TRMT61A: variants seen among roughly 807,000 people sequenced by gnomAD.
TRMT61A encodes tRNA methyltransferase 61A, also known as tRNA (adenine(58)-N(1))-methyltransferase catalytic subunit TRMT61A.
A neutral mutation model predicts 21.3 loss-of-function variants in TRMT61A; 15 were observed. The observed-to-expected ratio is 0.70, with a 90% CI of 0.47 to 1.08. TRMT61A has a LOEUF of 1.08. Ranked by LOEUF, TRMT61A falls within the 50% of genes least tolerant of loss-of-function variation. The pLI is 0.00. For missense variants in TRMT61A, 352 were observed against 426.7 expected, an observed-to-expected ratio of 0.83 and a Z score of 1.54; for synonymous variants, 183 against 185.5, an observed-to-expected ratio of 0.99 and a Z score of 0.11.
At position 103,531,964 on chromosome 14, in the gene TRMT61A, G is replaced by A. The variant is rs796290759; in HGVS notation, c.332-618G>A. Among the ~76,000 whole-genome samples the A allele has an allele frequency of 1.1e-4, 16 of 152,008 alleles. 1 individual carries two copies. The highest frequency in any genetic ancestry group is 3.9e-4 in the African/African-American group (16 of 41,470). ...AGGGAAGCTGGGGGCAGGTGCGCTG[G>A]GGAGGACTGGGGCCGTGTGGCTGGT... On this transcript the variant is annotated intron_variant, in intron 2 of 3. Coordinates refer to ENST00000389749, the MANE Select transcript of TRMT61A (RefSeq NM_152307.3). This position sits in a 1 kb window ranked among gnomAD's most constrained non-coding sequence, Gnocchi z 5.1.
rs542026718 is a variant in TRMT61A, at chr14:103,531,105, C to A, written c.331+796C>A. 5.3e-5 allele frequency among the ~76,000 whole-genome samples: 8 copies of A among 152,174 alleles called. No homozygotes were observed. The highest frequency in any genetic ancestry group is 1.9e-4 in the African/African-American group (8 of 41,440). On this transcript the variant is annotated intron_variant, in intron 2 of 3. Coordinates refer to ENST00000389749, the MANE Select transcript of TRMT61A (RefSeq NM_152307.3). This position sits in a 1 kb window ranked among gnomAD's most constrained non-coding sequence, Gnocchi z 5.1. ...GGTGCTGGCCTCTCCGCCCCTGCCC[C>A]ACTCTCGCGAGAGAGCTCAATCAAG...
chr14:103,531,632 G>T lies in TRMT61A; in HGVS notation c.332-950G>T, dbSNP rs1362386382. 6.6e-6 allele frequency among the ~76,000 whole-genome samples: 1 copy of T among 152,156 alleles called. No homozygotes were observed. The highest frequency in any genetic ancestry group is 1.5e-5 in the Non-Finnish European group (1 of 68,008). ...CACCCAGGGGAGGGGCTGGACAGGT[G>T]GGGAGAGGGGCTGGCCCCTGAAAGG... On this transcript the variant is annotated intron_variant, in intron 2 of 3. Transcript: ENST00000389749. The surrounding 1 kb of genome is among the most constrained non-coding windows in gnomAD (Gnocchi z 5.1).
chr14:103,532,663 A>G lies in TRMT61A; in HGVS notation c.413A>G (p.Gln138Arg), dbSNP rs901137937. Reference sequence around the variant, plus strand: ...CACCTGCACACGGTGGAGTTCCACCAGCAGCGGGCAGAGAAGGCCCGGGAG... The same window carrying G: ...CACCTGCACACGGTGGAGTTCCACCGGCAGCGGGCAGAGAAGGCCCGGGAG... ...TGHLHTVEFH[Q>R]QRAEKAREEF... Residue 138 changes from glutamine (Q) to arginine (R), a missense_variant, in exon 3 of 4, where the codon CAG becomes CGG. Gln to Arg is a conservative substitution (Grantham distance 43, BLOSUM62 1). Transcript: ENST00000389749. 6.2e-7 allele frequency: 1 copy of G among 1,613,312 alleles called. No individual in the cohort carries two copies. Among genetic ancestry groups the G allele is most frequent in the Non-Finnish European group, 8.5e-7 (1 of 1,180,028 alleles).
At chr14:103,530,702 G>C (rs2075951380) in intron 2 of TRMT61A, among the ~76,000 whole-genome samples, 1 of 152,222 alleles carries the variant, frequency 6.6e-6, no homozygotes. Context: ...ACCCCGAGGA[G>C]CTCACTGTAG....
Position 103,535,420 on chromosome 14 carries a change from A to G in TRMT61A, c.*599A>G, listed in dbSNP as rs1219471221. ...TCTCTGGCCTCCTGGCTGATGTCAC[A>G]GCACTGAGCTCAGCCCAGGCCTTCG... On this transcript the variant is annotated 3_prime_UTR_variant, in exon 4 of 4. Transcript: ENST00000389749. 2.2e-6 allele frequency: 1 copy of G among 446,444 alleles called. No individual in the cohort carries two copies. Among genetic ancestry groups the G allele is most frequent in the African/African-American group, 2.0e-5 (1 of 49,674 alleles). 27.7% of individuals were successfully genotyped at this position (446,444 alleles called of 1,614,324 possible). A position where few individuals can be genotyped will look rare whatever the true frequency, so the allele number is the denominator to read the frequency against.
chr14:103,530,073 G>A lies in TRMT61A; in HGVS notation c.95G>A (p.Arg32His). 3 of 1,613,036 alleles carry A rather than the reference G, an allele frequency of 1.9e-6. No individual in the cohort carries two copies. Among genetic ancestry groups the A allele is most frequent in the South Asian group, 1.1e-5 (1 of 91,090 alleles). Residue 32 changes from arginine (R) to histidine (H), a missense_variant, in exon 2 of 4, where the codon CGT becomes CAT. Arg to His is a conservative substitution (Grantham distance 29). Transcript: ENST00000389749. Reference protein sequence around the residue: ...HGAMVAVRVQRGAQTQTRHGV... With the variant: ...HGAMVAVRVQHGAQTQTRHGV... ...GCAATGGTGGCGGTGCGTGTGCAGCGTGGGGCACAGACCCAGACCCGGCAT... is the reference window on the plus strand; with the variant it reads ...GCAATGGTGGCGGTGCGTGTGCAGCATGGGGCACAGACCCAGACCCGGCAT...
Position 103,534,847 on chromosome 14 carries a change from A to T in TRMT61A, c.*26A>T, listed in dbSNP as rs909474137. ...GGGGCCGCCTCCCAGGGCACCAGGGAGCTGGGAGCACTGAAGGGCTGGGCA... is the reference window on the plus strand; with the variant it reads ...GGGGCCGCCTCCCAGGGCACCAGGGTGCTGGGAGCACTGAAGGGCTGGGCA... On this transcript the variant is annotated 3_prime_UTR_variant, in exon 4 of 4. Transcript: ENST00000389749. 5 of 1,535,000 alleles carry T rather than the reference A, an allele frequency of 3.3e-6. No homozygotes were observed. In the African/African-American group the frequency reaches 4.1e-5, roughly 13 times the overall value.
intron 1 of TRMT61A, 42 bp from the exon 2 acceptor site, chr14:103,529,908 C>A (rs2075947735): frequency 2.1e-6 from 3 of 1,451,206 alleles, no homozygotes; most frequent in Non-Finnish European, 2.8e-6. Context: ...GGCCCTCATC[C>A]TGCCTCCTGA....
chr14:103,531,952 G>T lies in TRMT61A; in HGVS notation c.332-630G>T, dbSNP rs1048712901. Among the ~76,000 whole-genome samples, 2 of 151,896 alleles carry T rather than the reference G, an allele frequency of 1.3e-5. No individual in the cohort carries two copies. Among genetic ancestry groups the T allele is most frequent in the African/African-American group, 2.4e-5 (1 of 41,330 alleles). On this transcript the variant is annotated intron_variant, in intron 2 of 3. Coordinates refer to ENST00000389749, the MANE Select transcript of TRMT61A (RefSeq NM_152307.3). This position sits in a 1 kb window ranked among gnomAD's most constrained non-coding sequence, Gnocchi z 5.1. ...GGGAAGCTGGGGAGGGAAGCTGGGGGCAGGTGCGCTGGGGAGGACTGGGGC... is the reference window on the plus strand; with the variant it reads ...GGGAAGCTGGGGAGGGAAGCTGGGGTCAGGTGCGCTGGGGAGGACTGGGGC...
rs1227048614 is a variant in TRMT61A at position 103,530,246 on chromosome 14, A to G, written c.268A>G (p.Thr90Ala). 1.2e-6 allele frequency: 2 copies of G among 1,608,866 alleles called. No homozygotes were observed. The highest frequency in any genetic ancestry group is 1.7e-6 in the Non-Finnish European group (2 of 1,176,330). ...GCACCGCACGCAGATCCTCTACTCC[A>G]CAGACATCGCCCTCATCACCATGAT... ...LPHRTQILYS[T>A]DIALITMMLE... Residue 90 changes from threonine (T) to alanine (A), a missense_variant, in exon 2 of 4, where the codon ACA (threonine) becomes GCA (alanine). Coordinates refer to ENST00000389749, the MANE Select transcript of TRMT61A (RefSeq NM_152307.3).
In TRMT61A at chr14:103,535,115, T is replaced by G. The variant is rs1424630798; in HGVS notation, c.*294T>G. On this transcript the variant is annotated 3_prime_UTR_variant, in exon 4 of 4. Transcript: ENST00000389749. ...TCCCCTGGGTGTTGAAGCCAAAGGGTGCAGGTGGGGGAGTCTGACCCCCTC... is the reference window on the plus strand; with the variant it reads ...TCCCCTGGGTGTTGAAGCCAAAGGGGGCAGGTGGGGGAGTCTGACCCCCTC... 3.1e-6 allele frequency: 2 copies of G among 642,570 alleles called. No individual in the cohort carries two copies. The highest frequency in any genetic ancestry group is 1.5e-5 in the South Asian group (1 of 66,224). 39.8% of individuals were successfully genotyped at this position (642,570 alleles called of 1,614,324 possible).
rs1395725520 is a variant in TRMT61A at position 103,534,884 on chromosome 14, G to A, written c.*63G>A. 9 of 1,523,400 alleles carry A rather than the reference G, an allele frequency of 5.9e-6. No individual in the cohort carries two copies. Among genetic ancestry groups the A allele is most frequent in the Non-Finnish European group, 7.9e-6 (9 of 1,136,548 alleles). The allele number at this position is 1,523,400 out of a possible 1,614,324, so 94.4% of individuals were successfully genotyped here. A position where few individuals can be genotyped will look rare whatever the true frequency, so the allele number is the denominator to read the frequency against. On this transcript the variant is annotated 3_prime_UTR_variant, in exon 4 of 4. Transcript: ENST00000389749. ...TGAAGGGCTGGGCAGGGAGGCCAGA[G>A]GCACCTTATATGGTCAGCGATGCCT...
At chr14:103,529,298 G>A (rs561305597) in intron 1 of TRMT61A, 37 bp downstream of exon 1, 144 of 245,178 alleles carry the variant, frequency 5.9e-4, no homozygotes, top group African/African-American at 3.4e-3. Context: ...CAGGGCGCGG[G>A]TGAGGGTGAC....
Position 103,529,938 on chromosome 14 carries a change from A to G in TRMT61A, c.-29-12A>G. 6.5e-7 allele frequency: 1 copy of G among 1,547,122 alleles called. No homozygotes were observed. The highest frequency in any genetic ancestry group is 8.7e-7 in the Non-Finnish European group (1 of 1,144,860). ...TCCTGACTTGCTCATGCCTACACAC[A>G]CCCCTCCCCAGGTCCTTGGCCCTTG... On this transcript the variant is annotated splice_polypyrimidine_tract_variant and intron_variant, in intron 1 of 3. Coordinates refer to ENST00000389749, the MANE Select transcript of TRMT61A (RefSeq NM_152307.3).
rs989997144 is a variant in TRMT61A at position 103,535,390 on chromosome 14, C to G, written c.*569C>G. On this transcript the variant is annotated 3_prime_UTR_variant, in exon 4 of 4. Coordinates refer to ENST00000389749, the MANE Select transcript of TRMT61A (RefSeq NM_152307.3). ...CCAGCCCAGGAACCAGGGAGGTGACCCTGCTCTCTGGCCTCCTGGCTGATG... is the reference window on the plus strand; with the variant it reads ...CCAGCCCAGGAACCAGGGAGGTGACGCTGCTCTCTGGCCTCCTGGCTGATG... The G allele has an allele frequency of 2.2e-6, 1 of 455,470 alleles. No individual in the cohort carries two copies. The highest frequency in any genetic ancestry group is 4.4e-6 in the Non-Finnish European group (1 of 226,444). The allele number at this position is 455,470 out of a possible 1,614,324, so 28.2% of individuals were successfully genotyped here.
chr14:103,534,525 G>T, intron 3 of TRMT61A, 25 bp from the exon 4 acceptor site: 1 of 1,536,074 alleles, frequency 6.5e-7, no homozygotes, highest in South Asian at 1.3e-5. Flanking sequence ...CCTGCCCTCT[G>T]ACCCTCGGGT....
At chr14:103,534,401 C>T (rs759307112) in intron 3 of TRMT61A, 149 bp from the exon 4 acceptor site, 10 of 905,368 alleles carry the variant, frequency 1.1e-5, no homozygotes, top group Non-Finnish European at 1.6e-5. Flanking sequence ...CTCTGCCCTG[C>T]AGTCCCAGCT....
chr14:103,533,849 C>T (rs993002619), intron 3 of TRMT61A, among the ~76,000 whole-genome samples: 1 of 152,236 alleles, frequency 6.6e-6, no homozygotes, highest in African/African-American at 2.4e-5. Context: ...TGTCACACAG[C>T]AGGTGCCTCC....
In TRMT61A at chr14:103,535,467, G is replaced by A. The variant is rs577076977; in HGVS notation, c.*646G>A. ...TTCGTCCACTCATGTCCAAGAGGCG[G>A]GGCATCCCCCACCCAGCCAGAGCCC... is the stretch of plus-strand genomic sequence containing the variant. On this transcript the variant is annotated 3_prime_UTR_variant, in exon 4 of 4. Transcript: ENST00000389749. 14 of 397,646 alleles carry A rather than the reference G, an allele frequency of 3.5e-5. No individual in the cohort carries two copies. In the East Asian group the frequency reaches 7.3e-4, roughly 21 times the overall value. The allele number at this position is 397,646 out of a possible 1,614,324, so 24.6% of individuals were successfully genotyped here. A position where few individuals can be genotyped will look rare whatever the true frequency, so the allele number is the denominator to read the frequency against.
Sources: allele counts gnomAD v4.1 joint callset (sites outside exome capture counted in the v4.1 genomes callset), GRCh38; gene constraint gnomAD v4.1.1; non-coding constraint Gnocchi (gnomAD v3.1); transcripts MANE v1.5; gene names NCBI Gene and HGNC (gene_info 2026-07-23, HGNC 2026-07-21).